Variants in ATG7 observed in about 807,000 individuals in gnomAD.
The protein encoded by ATG7 is autophagy related 7, also known as ubiquitin-like modifier-activating enzyme ATG7.
ATG7 carries 70 observed loss-of-function variants against 82.4 expected under a neutral mutation model. That is an observed-to-expected ratio of 0.85 (90% confidence interval 0.70 to 1.04). The LOEUF is 1.04. Among genes scored for constraint, ATG7 ranks in the 50% least tolerant of loss-of-function variants. ATG7 has a pLI of 0.00. For synonymous variants in ATG7, 287 were observed against 313.0 expected (o/e 0.92, Z 0.88); for missense variants, 792 against 864.3 (o/e 0.92, Z 1.05).
rs576211406 is a variant in ATG7, at chr3:11,389,876, A to G, written c.1956+9824A>G. ...TTGGATATTTTAAAGAACTCTATTG[A>G]CCTTCCAACTTGGGATAGAAATCCA... On this transcript the variant is annotated intron_variant, in intron 19 of 20. Transcript: ENST00000693202. 1.6e-4 allele frequency among the ~76,000 whole-genome samples: 24 copies of G among 152,310 alleles called. No individual in the cohort carries two copies. In the South Asian group the frequency reaches 3.7e-3, roughly 24 times the overall value.
intron 20 of ATG7, among the ~76,000 whole-genome samples, chr3:11,462,731 G>A (rs1271749518): frequency 1.3e-5 from 2 of 151,918 alleles, no homozygotes; most frequent in African/African-American, 2.4e-5. Context: ...CTATCCTCTC[G>A]CCACCCCCCC....
chr3:11,274,699 G>C (rs898799760), intron 1 of ATG7, among the ~76,000 whole-genome samples: 3 of 152,106 alleles, frequency 2.0e-5, no homozygotes, highest in Non-Finnish European at 4.4e-5. Flanking sequence ...CACTGAACTA[G>C]TTTTGTGACC....
intron 10 of ATG7, among the ~76,000 whole-genome samples, chr3:11,332,250 A>T (rs1195575968): frequency 6.6e-6 from 1 of 152,230 alleles, no homozygotes; most frequent in East Asian, 1.9e-4. Flanking sequence ...AATTTTAAAA[A>T]CATAATATTA....
intron 9 of ATG7, among the ~76,000 whole-genome samples, chr3:11,320,374 C>T (rs1950055744): frequency 6.6e-6 from 1 of 152,060 alleles, no homozygotes. Context: ...GCAACCTCCG[C>T]CTCCTGGGTC....
intron 20 of ATG7, among the ~76,000 whole-genome samples, chr3:11,512,818 C>T (rs1014152329): frequency 1.3e-5 from 2 of 152,206 alleles, no homozygotes; most frequent in African/African-American, 4.8e-5. Flanking sequence ...CTTTTATTCT[C>T]TTACCTGGCC....
intron 20 of ATG7, among the ~76,000 whole-genome samples, chr3:11,451,632 A>C (rs981138791): frequency 6.6e-6 from 1 of 151,460 alleles, no homozygotes; most frequent in Non-Finnish European, 1.5e-5. Context: ...TGTTGTGTCC[A>C]TGAGAGAACT....
chr3:11,369,209 A>G (rs1416760221), intron 18 of ATG7, among the ~76,000 whole-genome samples: 3 of 151,050 alleles, frequency 2.0e-5, no homozygotes, highest in Non-Finnish European at 2.9e-5. Flanking sequence ...TCCTAGGGAC[A>G]TGGACAGATG....
At chr3:11,388,435 T>C (rs1053336919) in intron 19 of ATG7, among the ~76,000 whole-genome samples, 4 of 147,090 alleles carry the variant, frequency 2.7e-5, no homozygotes, top group African/African-American at 1.1e-4. Flanking sequence ...GTTCCTTCTT[T>C]TTTTTTTTTT....
chr3:11,571,384 A>G, the ATG7 span, among the ~76,000 whole-genome samples: 1 of 152,170 alleles, frequency 6.6e-6, no homozygotes, highest in African/African-American at 2.4e-5. Context: ...TGTTTCCCCC[A>G]TTAACTCTCC....
Position 11,517,374 on chromosome 3 carries a change from A to G in ATG7, c.2080-37437A>G, listed in dbSNP as rs1044519133. On this transcript the variant is annotated intron_variant, in intron 20 of 20. Coordinates refer to ENST00000693202, the MANE Select transcript of ATG7 (RefSeq NM_001349232.2). ...AAAGAAAAGAAAAGAAAAGAAAAAA[A>G]CAATGATGGAGACAGTAAGATCACT... Among the ~76,000 whole-genome samples the G allele has an allele frequency of 6.6e-5, 10 of 151,878 alleles. No homozygotes were observed. In the East Asian group the frequency reaches 9.7e-4, roughly 15 times the overall value.
intron 19 of ATG7, among the ~76,000 whole-genome samples, chr3:11,414,658 TG>T (rs1192679507): frequency 6.6e-6 from 1 of 152,238 alleles, no homozygotes; most frequent in Non-Finnish European, 1.5e-5. Flanking sequence ...GAGAAACTTC[TG>T]GTTTTTCATC....
intron 3 of ATG7, among the ~76,000 whole-genome samples, chr3:11,296,099 C>T (rs1282558903): frequency 1.3e-5 from 2 of 152,174 alleles, no homozygotes; most frequent in Admixed American, 1.3e-4. Context: ...TTTCTTTTTA[C>T]TCCCTAACTG....
At chr3:11,327,450 G>A (rs1951037806) in intron 9 of ATG7, among the ~76,000 whole-genome samples, 1 of 152,204 alleles carries the variant, frequency 6.6e-6, no homozygotes, top group African/African-American at 2.4e-5. Flanking sequence ...TGCAGGTATT[G>A]GTGGTACCTA....
At chr3:11,414,006 GT>G (rs1332541522) in intron 19 of ATG7, among the ~76,000 whole-genome samples, 1 of 152,114 alleles carries the variant, frequency 6.6e-6, no homozygotes, top group African/African-American at 2.4e-5. Context: ...ATGGTATTAG[GT>G]TTGTAATTTC....
chr3:11,423,298 T>C (rs2082088967), intron 19 of ATG7, among the ~76,000 whole-genome samples: 1 of 152,112 alleles, frequency 6.6e-6, no homozygotes, highest in Non-Finnish European at 1.5e-5. Flanking sequence ...ACAATTACAA[T>C]AGTAACATCA....
the ATG7 span, among the ~76,000 whole-genome samples, chr3:11,573,331 GAAAGAAAGAAAGAAAGAAAGAA>G: frequency 6.0e-5 from 3 of 50,032 alleles, 1 homozygote; most frequent in East Asian, 2.3e-3. Context: ...AAGAAAGAAA[GAAAGAAAGAAAGAAAGAAAGAA>G]AGAAAGAAAG....
chr3:11,491,345 G>C (rs1266635969), intron 20 of ATG7, among the ~76,000 whole-genome samples: 1 of 152,204 alleles, frequency 6.6e-6, no homozygotes, highest in East Asian at 1.9e-4. Flanking sequence ...GCACTTCTCT[G>C]TATTGGTTAT....
At chr3:11,546,849 G>A (rs999611966) in intron 20 of ATG7, among the ~76,000 whole-genome samples, 2 of 152,358 alleles carry the variant, frequency 1.3e-5, no homozygotes, top group Middle Eastern at 3.4e-3. Flanking sequence ...GAGGTGCTCA[G>A]GTCAGGCTGA....
chr3:11,343,162 C>A (rs765412410), intron 13 of ATG7, among the ~76,000 whole-genome samples: 4 of 152,174 alleles, frequency 2.6e-5, no homozygotes, highest in Non-Finnish European at 5.9e-5. Flanking sequence ...CTCTTGCCCT[C>A]AAGTGATCCG....
Sources: allele counts gnomAD v4.1 joint callset (sites outside exome capture counted in the v4.1 genomes callset), GRCh38; gene constraint gnomAD v4.1.1; transcripts MANE v1.5; gene names NCBI Gene and HGNC (gene_info 2026-07-23, HGNC 2026-07-21).